The following CHD9 variants were observed in gnomAD, a reference collection of about 807,000 sequenced individuals.
CHD9 encodes chromodomain helicase DNA binding protein 9.
CHD9 carries 77 observed loss-of-function variants against 316.1 expected under a neutral mutation model. The ratio of observed to expected loss-of-function variants is 0.24; its 90% CI spans 0.20 to 0.29. CHD9 has a LOEUF of 0.29. Ranked by LOEUF, CHD9 falls within the 10% of genes least tolerant of loss-of-function variation. The pLI, the probability that CHD9 is intolerant of heterozygous loss-of-function variation, is 1.00. For synonymous variants in CHD9, 1,129 were observed against 1,158.3 expected (o/e 0.97, Z 0.51); for missense variants, 2,763 against 3,438.1 (o/e 0.80, Z 4.91).
Position 53,238,496 on chromosome 16 carries a change from G to A in CHD9, c.2787G>A (p.Thr929=), listed in dbSNP as rs367606592. 49 of 1,612,994 alleles carry A rather than the reference G, an allele frequency of 3.0e-5. No homozygotes were observed. Among genetic ancestry groups the A allele is most frequent in the Admixed American group, 1.8e-4 (11 of 59,950 alleles). ...CAAACTGGGAGAGAGAATTTCGTAC[G>A]TGGACTGATATTAACGTTGTGGTTT... ...TIANWEREFR[T]WTDINVVVYH... The change falls in exon 12 of 39, where the codon ACG becomes ACA. Residue 929 remains threonine, a synonymous_variant. Transcript: ENST00000447540.
chr16:53,276,214 T>C (rs555817762), intron 24 of CHD9, among the ~76,000 whole-genome samples: 18 of 152,302 alleles, frequency 1.2e-4, no homozygotes, highest in South Asian at 4.1e-4. Flanking sequence ...GTTCTAGATA[T>C]CTATTACAAC....
At chr16:53,300,414 C>CA (rs34315309) in intron 30 of CHD9, among the ~76,000 whole-genome samples, 19,794 of 151,182 alleles carry the variant, frequency 0.13, 1,434 homozygotes, top group South Asian at 0.24. Flanking sequence ...CTGATGGATA[C>CA]AAAATGCTAC....
intron 1 of CHD9, among the ~76,000 whole-genome samples, chr16:53,083,419 G>GATA (rs1175104049): frequency 6.6e-6 from 1 of 152,134 alleles, no homozygotes; most frequent in Non-Finnish European, 1.5e-5. Flanking sequence ...GCAGCAAAAA[G>GATA]ATAATGCCAG....
chr16:53,097,354 C>CCCTTCCTTCCTTCCTTCCTTCCTT (rs58688221), intron 1 of CHD9, among the ~76,000 whole-genome samples: 11 of 92,082 alleles, frequency 1.2e-4, no homozygotes, highest in African/African-American at 5.6e-4. Flanking sequence ...ACCTCGCTCT[C>CCCTTCCTTCCTTCCTTCCTTCCTT]CCTTCCTTCC....
At chr16:53,293,085 G>T in intron 29 of CHD9, 33 bp downstream of exon 29, 1 of 1,519,350 alleles carries the variant, frequency 6.6e-7, no homozygotes, top group Non-Finnish European at 9.0e-7. Flanking sequence ...TTAATGTATT[G>T]TCTAAATGTA....
chr16:53,072,267 C>T (rs1231750594), intron 1 of CHD9, among the ~76,000 whole-genome samples: 1 of 151,766 alleles, frequency 6.6e-6, no homozygotes, highest in African/African-American at 2.4e-5. Context: ...CCATAGCAAC[C>T]AAAACTCATT....
chr16:53,221,267 G>A (rs1165629313), intron 3 of CHD9, among the ~76,000 whole-genome samples: 3 of 152,154 alleles, frequency 2.0e-5, no homozygotes, highest in Non-Finnish European at 2.9e-5. Flanking sequence ...AGGAAACTAA[G>A]GCCAAAAGAG....
chr16:53,144,089 T>C (rs2040368499), intron 1 of CHD9, among the ~76,000 whole-genome samples: 1 of 152,206 alleles, frequency 6.6e-6, no homozygotes, highest in Non-Finnish European at 1.5e-5. Flanking sequence ...AGTTTTTCTT[T>C]TTAGATATGG....
At chr16:53,109,638 G>A (rs2037673148) in intron 1 of CHD9, among the ~76,000 whole-genome samples, 2 of 136,164 alleles carry the variant, frequency 1.5e-5, no homozygotes, top group Admixed American at 7.5e-5. Flanking sequence ...CCCGTCCTAA[G>A]ATCAGAATAT....
chr16:53,134,800 C>T, intron 1 of CHD9, among the ~76,000 whole-genome samples: 1 of 152,174 alleles, frequency 6.6e-6, no homozygotes, highest in Non-Finnish European at 1.5e-5. Flanking sequence ...TCATTCACAT[C>T]CATTTATTCA....
intron 2 of CHD9, among the ~76,000 whole-genome samples, chr16:53,207,272 A>G (rs2045962741): frequency 6.6e-6 from 1 of 152,234 alleles, no homozygotes; most frequent in South Asian, 2.1e-4. Flanking sequence ...GAAAAGTTGT[A>G]CTGATGTTCA....
chr16:53,135,992 A>G (rs527646220), intron 1 of CHD9, among the ~76,000 whole-genome samples: 1 of 152,254 alleles, frequency 6.6e-6, no homozygotes, highest in African/African-American at 2.4e-5. Flanking sequence ...TGATATTCTC[A>G]GGAGAGTAGC....
Position 53,084,541 on chromosome 16 carries a change from G to A in CHD9, c.-165+29464G>A, listed in dbSNP as rs548878658. Among the ~76,000 whole-genome samples the A allele has an allele frequency of 1.8e-4, 28 of 152,268 alleles. No individual in the cohort carries two copies. In the East Asian group the frequency reaches 4.5e-3, roughly 24 times the overall value. ...GGGTGGATCATGAGGTCAGGAGATC[G>A]AAACGATCCTGGCCAATATGGTGAA... is the stretch of plus-strand genomic sequence containing the variant. On this transcript the variant is annotated intron_variant, in intron 1 of 38. Coordinates refer to ENST00000447540, the MANE Select transcript of CHD9 (RefSeq NM_001308319.2).
chr16:53,160,010 T>C (rs2041799779), intron 2 of CHD9, among the ~76,000 whole-genome samples: 2 of 152,302 alleles, frequency 1.3e-5, no homozygotes, highest in Admixed American at 1.3e-4. Flanking sequence ...AAACCCTCCA[T>C]GTCCCCCTCT....
At chr16:53,323,985 T>G (rs1293445259) in intron 38 of CHD9, 35 bp from the exon 39 acceptor site, 2 of 1,512,944 alleles carry the variant, frequency 1.3e-6, no homozygotes, top group Non-Finnish European at 1.8e-6. Context: ...TTTATTTTCA[T>G]GTAGGGATTA....
At chr16:53,246,726 A>C (rs1482383018) in intron 15 of CHD9, among the ~76,000 whole-genome samples, 1 of 151,400 alleles carries the variant, frequency 6.6e-6, no homozygotes, top group Middle Eastern at 3.2e-3. Flanking sequence ...GTCTTGTTAT[A>C]TTGCTCAGGC....
chr16:53,224,687 T>C (rs1319636387), intron 4 of CHD9, among the ~76,000 whole-genome samples: 5 of 152,224 alleles, frequency 3.3e-5, no homozygotes, highest in Non-Finnish European at 7.3e-5. Context: ...TGAACTATTC[T>C]CAAATTTCAT....
intron 1 of CHD9, among the ~76,000 whole-genome samples, chr16:53,107,489 T>TGAAAGGAAATGATG (rs1567333224): frequency 5.3e-4 from 65 of 123,076 alleles, no homozygotes; most frequent in African/African-American, 2.3e-3. Flanking sequence ...TAAAATAAAA[T>TGAAAGGAAATGATG]AAATAAAATA....
At chr16:53,138,606 A>C (rs745788406) in intron 1 of CHD9, among the ~76,000 whole-genome samples, 2 of 152,218 alleles carry the variant, frequency 1.3e-5, no homozygotes, top group African/African-American at 2.4e-5. Context: ...GTATGTAATA[A>C]ATGGGGACAC....
Sources: gnomAD v4.1 joint callset for allele counts (sites outside exome capture counted in the v4.1 genomes callset) on GRCh38, gnomAD v4.1.1 for gene constraint, MANE v1.5 for transcripts, NCBI Gene and HGNC (gene_info 2026-07-23, HGNC 2026-07-21) for gene names.